Variants in CTNNA3 observed in about 807,000 individuals in gnomAD.
CTNNA3 encodes catenin alpha 3, also known as catenin alpha-3.
Under a neutral mutation model 95.7 loss-of-function variants are expected in CTNNA3, and 76 were observed. The ratio of observed to expected loss-of-function variants is 0.79; its 90% CI spans 0.66 to 0.96. The LOEUF (loss-of-function observed/expected upper bound fraction) is 0.96. Among genes scored for constraint, CTNNA3 ranks in the 40% least tolerant of loss-of-function variants. The pLI is 0.00. For synonymous variants in CTNNA3, 431 were observed against 374.4 expected (o/e 1.15, Z -1.74); for missense variants, 1,191 against 1,089.8 (o/e 1.09, Z -1.31).
chr10:66,674,312 T>C (rs2132480805), intron 9 of CTNNA3, among the ~76,000 whole-genome samples: 1 of 152,164 alleles, frequency 6.6e-6, no homozygotes, highest in Non-Finnish European at 1.5e-5. Flanking sequence ...GTTCTTTTAT[T>C]ATTTCTTCAA....
chr10:66,771,591 A>G (rs904554672), intron 8 of CTNNA3, among the ~76,000 whole-genome samples: 1 of 152,170 alleles, frequency 6.6e-6, no homozygotes, highest in Non-Finnish European at 1.5e-5. Context: ...GATTACACAT[A>G]TGGGCTGGGG....
At chr10:67,497,294 G>GGT (rs1411127177) in intron 5 of CTNNA3, among the ~76,000 whole-genome samples, 2 of 152,082 alleles carry the variant, frequency 1.3e-5, no homozygotes, top group Admixed American at 1.3e-4. Flanking sequence ...AGTGTTCCAT[G>GGT]GTATATATGT....
chr10:67,099,538 G>A (rs1858212112), intron 7 of CTNNA3: 1 of 152,092 alleles, frequency 6.6e-6, no homozygotes, highest in African/African-American at 2.4e-5. Flanking sequence ...ATAAAATCTA[G>A]TTTTATGCAG....
chr10:66,422,818 T>C (rs7909738), intron 11 of CTNNA3, among the ~76,000 whole-genome samples: 57,908 of 151,546 alleles, frequency 0.38, 11,639 homozygotes, highest in African/African-American at 0.5. Context: ...TTAGTAGAGA[T>C]GGGGTTTCGC....
At chr10:66,368,446 C>T (rs895809712) in intron 12 of CTNNA3, among the ~76,000 whole-genome samples, 8 of 151,822 alleles carry the variant, frequency 5.3e-5, no homozygotes, top group African/African-American at 1.9e-4. Flanking sequence ...TACACCCATG[C>T]ATTTGCCATT....
intron 6 of CTNNA3, among the ~76,000 whole-genome samples, chr10:67,207,835 C>T (rs946232485): frequency 1.3e-5 from 2 of 152,198 alleles, no homozygotes; most frequent in East Asian, 1.9e-4. Context: ...TTAAGGATCA[C>T]CTGGGAAGGC....
At chr10:66,574,882 C>A (rs1267428035) in intron 10 of CTNNA3, among the ~76,000 whole-genome samples, 1 of 152,060 alleles carries the variant, frequency 6.6e-6, no homozygotes, top group East Asian at 1.9e-4. Context: ...TAACTGCATC[C>A]ATTCTTTTAA....
chr10:66,403,578 C>T (rs1339560030), intron 11 of CTNNA3, among the ~76,000 whole-genome samples: 1 of 152,094 alleles, frequency 6.6e-6, no homozygotes, highest in Non-Finnish European at 1.5e-5. Flanking sequence ...CACCTTCCAC[C>T]ATGTCCCTCC....
At chr10:67,524,855 T>C (rs776915946) in intron 4 of CTNNA3, among the ~76,000 whole-genome samples, 2 of 152,100 alleles carry the variant, frequency 1.3e-5, no homozygotes, top group African/African-American at 2.4e-5. Context: ...AAAAGTTAGG[T>C]TGAGGCCTAG....
At chr10:67,200,841 GTTAGAAATATTAAGAC>G (rs1863611372) in intron 6 of CTNNA3, among the ~76,000 whole-genome samples, 1 of 152,146 alleles carries the variant, frequency 6.6e-6, no homozygotes, top group African/African-American at 2.4e-5. Flanking sequence ...CTATATTTAA[GTTAGAAATATTAAGAC>G]TTAGAAATTC....
At chr10:67,305,261 G>C (rs1840498004) in intron 5 of CTNNA3, among the ~76,000 whole-genome samples, 1 of 151,906 alleles carries the variant, frequency 6.6e-6, no homozygotes, top group African/African-American at 2.4e-5. Context: ...GGGTGACAGA[G>C]CGAGACTCCA....
chr10:66,037,451 T>C (rs1370773393), intron 15 of CTNNA3, among the ~76,000 whole-genome samples: 1 of 152,190 alleles, frequency 6.6e-6, no homozygotes, highest in African/African-American at 2.4e-5. Flanking sequence ...ATAGGAATCA[T>C]AATTCAGCCC....
At chr10:66,141,215 T>C (rs12414684) in intron 13 of CTNNA3, among the ~76,000 whole-genome samples, 1,735 of 151,190 alleles carry the variant, frequency 0.011, 63 homozygotes, top group East Asian at 0.081. Flanking sequence ...GCTTAGATCA[T>C]GCCACTTGAC....
At chr10:65,931,974 T>G (rs555296882) in intron 17 of CTNNA3, among the ~76,000 whole-genome samples, 2 of 152,286 alleles carry the variant, frequency 1.3e-5, no homozygotes, top group East Asian at 3.9e-4. Flanking sequence ...ATGTGTGGTT[T>G]TTAATCACTG....
chr10:67,526,457 A>C (rs996945061), intron 4 of CTNNA3, among the ~76,000 whole-genome samples: 1 of 151,814 alleles, frequency 6.6e-6, no homozygotes, highest in Non-Finnish European at 1.5e-5. Flanking sequence ...AGGTGAAGGC[A>C]CACTGGCCTT....
At chr10:67,514,664 A>C (rs1839752130) in intron 5 of CTNNA3, among the ~76,000 whole-genome samples, 2 of 151,794 alleles carry the variant, frequency 1.3e-5, no homozygotes, top group Admixed American at 6.6e-5. Context: ...GCAAACACTG[A>C]AGTTGTTTTT....
intron 7 of CTNNA3, among the ~76,000 whole-genome samples, chr10:66,858,938 T>G (rs540006807): frequency 2.0e-5 from 3 of 152,068 alleles, no homozygotes; most frequent in Non-Finnish European, 2.9e-5. Flanking sequence ...TTCAACCATT[T>G]TGAAAAACTG....
intron 13 of CTNNA3, among the ~76,000 whole-genome samples, chr10:66,125,061 CA>C (rs2082758511): frequency 1.3e-5 from 2 of 152,184 alleles, no homozygotes; most frequent in African/African-American, 4.8e-5. Flanking sequence ...CTCAGACAAA[CA>C]AATCTTGGAA....
At chr10:66,333,715 G>A (rs1169219132) in intron 12 of CTNNA3, among the ~76,000 whole-genome samples, 1 of 151,352 alleles carries the variant, frequency 6.6e-6, no homozygotes, top group Admixed American at 6.6e-5. Flanking sequence ...GTTGATTTGA[G>A]GTGGAGAGTT....
Sources: gnomAD v4.1 joint callset for allele counts (sites outside exome capture counted in the v4.1 genomes callset) on GRCh38, gnomAD v4.1.1 for gene constraint, MANE v1.5 for transcripts, NCBI Gene and HGNC (gene_info 2026-07-23, HGNC 2026-07-21) for gene names.